TMEM167B: variants seen among roughly 807,000 people sequenced by gnomAD.
TMEM167B encodes transmembrane protein 167B, also known as protein kish-B.
Under a neutral mutation model 9.4 loss-of-function variants are expected in TMEM167B, and 2 were observed. That is an observed-to-expected ratio of 0.21 (90% CI 0.09 to 0.67). The LOEUF (loss-of-function observed/expected upper bound fraction) is 0.67, where lower values mean the gene tolerates loss of function less well. Among genes scored for constraint, TMEM167B ranks in the 30% least tolerant of loss-of-function variants. The pLI is 0.82. For synonymous variants in TMEM167B, 28 were observed against 32.0 expected, an observed-to-expected ratio of 0.87 and a Z score of 0.42; for missense variants, 68 against 87.6, an observed-to-expected ratio of 0.78 and a Z score of 0.89.
chr1:109,090,826 A>C lies in TMEM167B; in HGVS notation c.-47A>C. ...CGGGCGCTCCCCCATCTCCGCCGCT[A>C]TTACCACTGAACCCGGACCCCCTAC... On this transcript the variant is annotated 5_prime_UTR_variant, in exon 1 of 3. Coordinates refer to ENST00000338272, the MANE Select transcript of TMEM167B (RefSeq NM_020141.4). 2.5e-6 allele frequency: 4 copies of C among 1,573,090 alleles called. No individual in the cohort carries two copies. Among genetic ancestry groups the C allele is most frequent in the Non-Finnish European group, 3.5e-6 (4 of 1,158,868 alleles).
intron 1 of TMEM167B, 130 bp downstream of exon 1, chr1:109,091,012 C>T (rs1365187939): frequency 6.3e-6 from 7 of 1,118,722 alleles, no homozygotes; most frequent in Non-Finnish European, 7.6e-6. Context: ...CTCTCGACGC[C>T]CCTAACTTCT....
intron 2 of TMEM167B, chr1:109,093,305 A>C: frequency 3.0e-6 from 1 of 337,190 alleles, no homozygotes; most frequent in African/African-American, 2.1e-5. Context: ...CAGCCCGGGC[A>C]ACACAGTGAG....
At position 109,094,475 on chromosome 1, in the gene TMEM167B, C is replaced by T; in HGVS notation, c.201C>T (p.Ala67=). The stretch of plus-strand genomic sequence containing the variant: ...TGGCAATTGCTTGTGTTGTAATGGC[C>T]TTTTACGTCCTGTTTATAAAATGAA... The part of the protein sequence containing the change: ...AAVAIACVVM[A]FYVLFIK The change falls in exon 3 of 3, where the codon GCC becomes GCT. Residue 67 remains alanine, a synonymous_variant. Coordinates refer to ENST00000338272, the MANE Select transcript of TMEM167B (RefSeq NM_020141.4). 1 of 1,613,982 alleles carries T rather than the reference C, an allele frequency of 6.2e-7. No individual in the cohort carries two copies. Among genetic ancestry groups the T allele is most frequent in the Non-Finnish European group, 8.5e-7 (1 of 1,180,026 alleles).
rs192896378 is a variant in TMEM167B at position 109,095,770 on chromosome 1, A to G, written c.*1271A>G. ...AAGAAAACAGAACTTTGCAATTGAT[A>G]CTGAAGTACTTTGCCATGGAGTTAG... On this transcript the variant is annotated 3_prime_UTR_variant, in exon 3 of 3. Coordinates refer to ENST00000338272, the MANE Select transcript of TMEM167B (RefSeq NM_020141.4). The G allele has an allele frequency of 5.9e-5, 9 of 152,334 alleles. No homozygotes were observed. Among genetic ancestry groups the G allele is most frequent in the East Asian group, 5.8e-4 (3 of 5,188 alleles). The allele number at this position is 152,334 out of a possible 1,614,324, so 9.4% of individuals were successfully genotyped here.
At chr1:109,091,444 C>G (rs892463254) in intron 1 of TMEM167B, among the ~76,000 whole-genome samples, 2 of 152,240 alleles carry the variant, frequency 1.3e-5, no homozygotes, top group Admixed American at 6.5e-5. Flanking sequence ...TGGATTTAGA[C>G]ACTGCCTCTT....
rs896115862 is a variant in TMEM167B at position 109,092,792 on chromosome 1, A to G, written c.11-98A>G. 5.1e-5 allele frequency: 71 copies of G among 1,380,928 alleles called. 1 individual carries two copies. In the Admixed American group the frequency reaches 7.4e-4, roughly 14 times the overall value. 85.5% of individuals were successfully genotyped at this position (1,380,928 alleles called of 1,614,324 possible). ...TGCCTGTTGAGGTTATTATTTTGTTATTATGTCACACACTATCTTCCTTAG... is the reference window on the plus strand; with the variant it reads ...TGCCTGTTGAGGTTATTATTTTGTTGTTATGTCACACACTATCTTCCTTAG... On this transcript the variant is annotated intron_variant, in intron 1 of 2. Coordinates refer to ENST00000338272, the MANE Select transcript of TMEM167B (RefSeq NM_020141.4).
At chr1:109,093,109 T>C in intron 2 of TMEM167B, 88 bp downstream of exon 2, 2 of 1,523,374 alleles carry the variant, frequency 1.3e-6, no homozygotes, top group South Asian at 2.5e-5. Flanking sequence ...GCTGGGATTA[T>C]ATTTGGTTTC....
At position 109,095,070 on chromosome 1, in the gene TMEM167B, A is replaced by T. The variant is rs927207482; in HGVS notation, c.*571A>T. 2 of 152,464 alleles carry T rather than the reference A, an allele frequency of 1.3e-5. No homozygotes were observed. Among genetic ancestry groups the T allele is most frequent in the Non-Finnish European group, 2.9e-5 (2 of 68,124 alleles). The allele number at this position is 152,464 out of a possible 1,614,324, so 9.4% of individuals were successfully genotyped here. Reference sequence around the variant, plus strand: ...AAAGAGAGGCATAGTGCTCATTGCAAAAAGAGAACAGATGAAGTAGCTGTG... The same window carrying T: ...AAAGAGAGGCATAGTGCTCATTGCATAAAGAGAACAGATGAAGTAGCTGTG... On this transcript the variant is annotated 3_prime_UTR_variant, in exon 3 of 3. Coordinates refer to ENST00000338272, the MANE Select transcript of TMEM167B (RefSeq NM_020141.4).
chr1:109,093,359 GCA>G (rs1557994002), intron 2 of TMEM167B: 1 of 238,318 alleles, frequency 4.2e-6, no homozygotes, highest in African/African-American at 2.3e-5. Flanking sequence ...AGGTATGGTG[GCA>G]CGTGCCTGTA....
At chr1:109,091,962 G>A (rs1664460474) in intron 1 of TMEM167B, among the ~76,000 whole-genome samples, 2 of 152,184 alleles carry the variant, frequency 1.3e-5, no homozygotes, top group South Asian at 4.1e-4. Flanking sequence ...TTACCCAGAG[G>A]AAGACAGAAT....
chr1:109,091,171 T>G (rs1300847049), intron 1 of TMEM167B, among the ~76,000 whole-genome samples: 2 of 152,152 alleles, frequency 1.3e-5, no homozygotes, highest in Non-Finnish European at 2.9e-5. Context: ...GAGAGGTCAG[T>G]CCCAGAGGTA....
chr1:109,093,110 A>T, intron 2 of TMEM167B, 89 bp downstream of exon 2: 21 of 1,512,578 alleles, frequency 1.4e-5, no homozygotes, highest in Non-Finnish European at 1.9e-5. Flanking sequence ...CTGGGATTAT[A>T]TTTGGTTTCA....
In TMEM167B at chr1:109,094,637, ATATG is replaced by A; in HGVS notation, c.*140_*143del. ...TGACACCACAGCATCTGCCCCTGCT[ATATG>A]TGGGGAAAACTCATGGTCACGAACA... On this transcript the variant is annotated 3_prime_UTR_variant, in exon 3 of 3. Transcript: ENST00000338272. 1.3e-6 allele frequency: 1 copy of A among 749,974 alleles called. No homozygotes were observed. The highest frequency in any genetic ancestry group is 1.7e-5 in the South Asian group (1 of 59,738). The allele number at this position is 749,974 out of a possible 1,614,324, so 46.5% of individuals were successfully genotyped here. A position where few individuals can be genotyped will look rare whatever the true frequency, so the allele number is the denominator to read the frequency against.
At position 109,094,748 on chromosome 1, in the gene TMEM167B, G is replaced by C; in HGVS notation, c.*249G>C. ...CAGTCCTTGGCAGAGTGCATATAAT[G>C]TCCGGATAAATTACACCCCTCGGTG... On this transcript the variant is annotated 3_prime_UTR_variant, in exon 3 of 3. Coordinates refer to ENST00000338272, the MANE Select transcript of TMEM167B (RefSeq NM_020141.4). The C allele has an allele frequency of 2.1e-6, 1 of 474,258 alleles. No homozygotes were observed. The highest frequency in any genetic ancestry group is 3.8e-6 in the Non-Finnish European group (1 of 266,596). 29.4% of individuals were successfully genotyped at this position (474,258 alleles called of 1,614,324 possible).
chr1:109,093,140 C>T (rs1300600343), intron 2 of TMEM167B, 119 bp downstream of exon 2: 2 of 1,378,360 alleles, frequency 1.5e-6, no homozygotes, highest in South Asian at 1.4e-5. Context: ...AAAAATCCCT[C>T]CGATTGGGTC....
intron 2 of TMEM167B, among the ~76,000 whole-genome samples, chr1:109,094,082 C>G (rs1664514040): frequency 1.3e-5 from 2 of 152,186 alleles, no homozygotes; most frequent in Non-Finnish European, 2.9e-5. Flanking sequence ...GAGTTCAAGA[C>G]CAGCCTGGCC....
At chr1:109,093,115 G>T in intron 2 of TMEM167B, 94 bp downstream of exon 2, 1 of 1,509,412 alleles carries the variant, frequency 6.6e-7, no homozygotes. Flanking sequence ...ATTATATTTG[G>T]TTTCATTTTT....
At chr1:109,092,851 A>G (rs763296721) in intron 1 of TMEM167B, 39 bp from the exon 2 acceptor site, 3 of 1,610,418 alleles carry the variant, frequency 1.9e-6, no homozygotes, top group Non-Finnish European at 1.7e-6. Flanking sequence ...CCGACGCTAG[A>G]TCAGTACCTA....
At chr1:109,092,654 C>T (rs923331603) in intron 1 of TMEM167B, among the ~76,000 whole-genome samples, 2 of 152,086 alleles carry the variant, frequency 1.3e-5, no homozygotes, top group African/African-American at 2.4e-5. Context: ...TCATTGCAGC[C>T]TCGAACTCCT....
Sources: gnomAD v4.1 joint callset for allele counts (sites outside exome capture counted in the v4.1 genomes callset) on GRCh38, gnomAD v4.1.1 for gene constraint, MANE v1.5 for transcripts, NCBI Gene and HGNC (gene_info 2026-07-23, HGNC 2026-07-21) for gene names.